APP: variants seen among roughly 807,000 people sequenced by gnomAD.
The protein encoded by APP is amyloid beta precursor protein.
A neutral mutation model predicts 101.4 loss-of-function variants in APP; 31 were observed. The observed-to-expected ratio is 0.31, with a 90% CI of 0.23 to 0.41. APP has a LOEUF of 0.41. Ranked by LOEUF, APP falls within the 10% of genes least tolerant of loss-of-function variation. The pLI, the probability that APP is intolerant of heterozygous loss-of-function variation, is 1.00. For synonymous variants in APP, 366 were observed against 364.4 expected, an observed-to-expected ratio of 1.00 and a Z score of -0.05; for missense variants, 839 against 1,003.7, an observed-to-expected ratio of 0.84 and a Z score of 2.22.
At chr21:25,882,120 G>A (rs1236353570) in intron 17 of APP, among the ~76,000 whole-genome samples, 1 of 151,930 alleles carries the variant, frequency 6.6e-6, no homozygotes, top group Non-Finnish European at 1.5e-5. Flanking sequence ...AGAGTCAACG[G>A]AAGCCTGTTT....
intron 6 of APP, among the ~76,000 whole-genome samples, chr21:26,005,691 G>C (rs765537398): frequency 5.9e-5 from 9 of 152,184 alleles, no homozygotes; most frequent in Non-Finnish European, 1.3e-4. Context: ...TCTCAAGAGA[G>C]AGTTCAAATG....
chr21:26,000,302 A>C, intron 6 of APP, 120 bp from the exon 7 acceptor site: 1 of 1,238,810 alleles, frequency 8.1e-7, no homozygotes, highest in Admixed American at 1.9e-5. Flanking sequence ...TTTATTAGGC[A>C]GCATCTACCA....
intron 13 of APP, among the ~76,000 whole-genome samples, chr21:25,945,244 G>A (rs531578067): frequency 3.0e-4 from 46 of 152,062 alleles, no homozygotes; most frequent in African/African-American, 1.0e-3. Flanking sequence ...AAATACTAAC[G>A]TTCCTGAATG....
intron 13 of APP, among the ~76,000 whole-genome samples, chr21:25,918,624 G>A (rs1225102358): frequency 6.6e-6 from 1 of 152,042 alleles, no homozygotes; most frequent in Non-Finnish European, 1.5e-5. Flanking sequence ...GGTGACAGAC[G>A]CACCTGGAAA....
At chr21:25,889,488 A>G (rs1306549002) in intron 17 of APP, among the ~76,000 whole-genome samples, 1 of 152,254 alleles carries the variant, frequency 6.6e-6, no homozygotes, top group African/African-American at 2.4e-5. Flanking sequence ...CTGGCATCAA[A>G]GAAGGCAACT....
chr21:26,105,068 CAAAAAAA>C (rs10579923), intron 2 of APP, among the ~76,000 whole-genome samples: 13 of 110,496 alleles, frequency 1.2e-4, no homozygotes, highest in Admixed American at 1.8e-4. Flanking sequence ...GCATTTTTTT[CAAAAAAA>C]AAAAAAAAAA....
intron 2 of APP, among the ~76,000 whole-genome samples, chr21:26,098,320 C>T (rs935721843): frequency 6.6e-6 from 1 of 151,898 alleles, no homozygotes; most frequent in Admixed American, 6.6e-5. Context: ...TCTGAAGTCT[C>T]TCTTCTCACT....
At position 26,060,848 on chromosome 21, in the gene APP, C is replaced by T. The variant is rs181964547; in HGVS notation, c.356-7500G>A. Reference sequence around the variant, plus strand: ...AGAAGAACAAGGAGATCAGTGCTGTCGTGGAGGAATGATGTGGAAGAGATC... The same window carrying T: ...AGAAGAACAAGGAGATCAGTGCTGTTGTGGAGGAATGATGTGGAAGAGATC... On this transcript the variant is annotated intron_variant, in intron 3 of 17. Coordinates refer to ENST00000346798, the MANE Select transcript of APP (RefSeq NM_000484.4). Among the ~76,000 whole-genome samples the T allele has an allele frequency of 1.6e-3, 250 of 152,234 alleles. 1 individual carries two copies. Among genetic ancestry groups the T allele is most frequent in the Non-Finnish European group, 2.9e-3 (194 of 68,018 alleles).
intron 1 of APP, chr21:26,140,414 C>T (rs993797683): frequency 1.7e-5 from 23 of 1,360,768 alleles, no homozygotes; most frequent in South Asian, 8.0e-5. Context: ...ACGCACACTG[C>T]GCCAACTTCT....
At position 25,884,397 on chromosome 21, in the gene APP, T is replaced by C. The variant is rs191760378; in HGVS notation, c.2212-2626A>G. On this transcript the variant is annotated intron_variant, in intron 17 of 17. Coordinates refer to ENST00000346798, the MANE Select transcript of APP (RefSeq NM_000484.4). Reference sequence around the variant, plus strand: ...GACTCTGCTCAAATGGATGCTCAGCTTCACTGTCCTTCTGGGAGCAAATCA... The same window carrying C: ...GACTCTGCTCAAATGGATGCTCAGCCTCACTGTCCTTCTGGGAGCAAATCA... Among the ~76,000 whole-genome samples, 171 of 152,354 alleles carry C rather than the reference T, an allele frequency of 1.1e-3. 2 individuals are homozygous for C. The highest frequency in any genetic ancestry group is 3.7e-3 in the African/African-American group (154 of 41,580).
intron 1 of APP, among the ~76,000 whole-genome samples, chr21:26,166,875 A>AGAGAGT (rs947687724): frequency 4.4e-4 from 58 of 131,410 alleles, no homozygotes; most frequent in Non-Finnish European, 6.8e-4. Context: ...CTCAAGTGAG[A>AGAGAGT]GAGAGAGAGA....
intron 13 of APP, among the ~76,000 whole-genome samples, chr21:25,917,204 T>C (rs1175238502): frequency 2.8e-5 from 4 of 144,576 alleles, no homozygotes; most frequent in Admixed American, 7.4e-5. Context: ...GAGGTTGCAG[T>C]GAGCTGAGAT....
Position 25,905,097 on chromosome 21 carries a change from G to C in APP, c.1910-20C>G, listed in dbSNP as rs201099956. 2 of 1,610,800 alleles carry C rather than the reference G, an allele frequency of 1.2e-6. No individual in the cohort carries two copies. ...GCTCAACTGGGCACAGGAAGCAAGG[G>C]ACACAGAAAGCAAACAAGACAAATC... On this transcript the variant is annotated intron_variant, in intron 14 of 17. Coordinates refer to ENST00000346798, the MANE Select transcript of APP (RefSeq NM_000484.4).
At chr21:26,038,012 G>T (rs1251132711) in intron 5 of APP, among the ~76,000 whole-genome samples, 1 of 152,030 alleles carries the variant, frequency 6.6e-6, no homozygotes, top group African/African-American at 2.4e-5. Context: ...AAAAAGTATA[G>T]AAGTTTTAAA....
At chr21:26,166,112 TC>T (rs1265149635) in intron 1 of APP, among the ~76,000 whole-genome samples, 1 of 152,224 alleles carries the variant, frequency 6.6e-6, no homozygotes, top group Admixed American at 6.5e-5. Flanking sequence ...TCTTAAGCCA[TC>T]CACACTAAAC....
In APP at chr21:26,099,225, G is replaced by C. The variant is rs139905016; in HGVS notation, c.226-9153C>G. On this transcript the variant is annotated intron_variant, in intron 2 of 17. Coordinates refer to ENST00000346798, the MANE Select transcript of APP (RefSeq NM_000484.4). ...CTGCATGACTGCAGCTAGCATATATGAATATATACATGAAACAGAGAATCA... is the reference window on the plus strand; with the variant it reads ...CTGCATGACTGCAGCTAGCATATATCAATATATACATGAAACAGAGAATCA... 5.8e-3 allele frequency among the ~76,000 whole-genome samples: 873 copies of C among 150,084 alleles called. 10 individuals carry two copies. Among genetic ancestry groups the C allele is most frequent in the Non-Finnish European group, 5.7e-3 (387 of 67,764 alleles).
At chr21:26,170,792 G>C, upstream of APP, 1 of 661,336 alleles carries the variant, frequency 1.5e-6, no homozygotes. Flanking sequence ...GCGGCGGCGG[G>C]GCTCAGAGCC....
chr21:25,884,128 G>A (rs954412152), intron 17 of APP, among the ~76,000 whole-genome samples: 4 of 152,124 alleles, frequency 2.6e-5, no homozygotes, highest in East Asian at 1.9e-4. Flanking sequence ...CGCCTACCTC[G>A]GCCTCCTAAA....
intron 3 of APP, among the ~76,000 whole-genome samples, chr21:26,061,366 C>T (rs1414373763): frequency 1.3e-5 from 2 of 152,178 alleles, no homozygotes; most frequent in South Asian, 4.1e-4. Context: ...ATGACAGCTA[C>T]AGATAAATGT....
Sources: allele counts gnomAD v4.1 joint callset (sites outside exome capture counted in the v4.1 genomes callset), GRCh38; gene constraint gnomAD v4.1.1; transcripts MANE v1.5; gene names NCBI Gene and HGNC (gene_info 2026-07-23, HGNC 2026-07-21).